The following ALDH18A1 variants were observed in gnomAD, a reference collection of about 807,000 sequenced individuals.
The protein encoded by ALDH18A1 is aldehyde dehydrogenase 18 family member A1.
A neutral mutation model predicts 88.8 loss-of-function variants in ALDH18A1; 44 were observed. That is an observed-to-expected ratio of 0.50 (90% CI 0.39 to 0.64). ALDH18A1 has a LOEUF of 0.64. Among genes scored for constraint, ALDH18A1 ranks in the 30% least tolerant of loss-of-function variants. The pLI is 0.00. For synonymous variants in ALDH18A1, 331 were observed against 372.1 expected (o/e 0.89, Z 1.27); for missense variants, 782 against 1,009.5 (o/e 0.77, Z 3.05).
At chr10:95,610,390 T>G (rs566962570) in intron 16 of ALDH18A1, 98 bp from the exon 17 acceptor site, 2 of 1,161,564 alleles carry the variant, frequency 1.7e-6, no homozygotes, top group South Asian at 1.3e-5. Flanking sequence ...AGGGTCTGGG[T>G]CCCCACTGGG....
chr10:95,644,197 G>C (rs1316977883), intron 2 of ALDH18A1, among the ~76,000 whole-genome samples: 5 of 152,286 alleles, frequency 3.3e-5, no homozygotes, highest in East Asian at 1.9e-4. Context: ...AAAGAACAAA[G>C]TAAGTGTATG....
Position 95,606,570 on chromosome 10 carries a change from G to A in ALDH18A1, c.*192C>T. 5.4e-6 allele frequency: 8 copies of A among 1,488,916 alleles called. No homozygotes were observed. Among genetic ancestry groups the A allele is most frequent in the Non-Finnish European group, 7.1e-6 (8 of 1,128,470 alleles). 92.2% of individuals were successfully genotyped at this position (1,488,916 alleles called of 1,614,324 possible). Reference sequence around the variant, plus strand: ...CTATTTTCTTACTTTAAAAAAAAAGGGTGAGCTGGGAGCCAGACTGTGCAC... The same window carrying A: ...CTATTTTCTTACTTTAAAAAAAAAGAGTGAGCTGGGAGCCAGACTGTGCAC... On this transcript the variant is annotated 3_prime_UTR_variant, in exon 18 of 18. Coordinates refer to ENST00000371224, the MANE Select transcript of ALDH18A1 (RefSeq NM_002860.4).
rs1346763871 is a variant in ALDH18A1, at chr10:95,627,505, C to T, written c.1015G>A (p.Val339Ile). The change falls in exon 9 of 18, where the codon GTC becomes ATC. Residue 339 changes from valine (V) to isoleucine (I), a missense_variant. Physicochemically the swap from Val to Ile is conservative, Grantham distance 29 (BLOSUM62 3). Around this residue, in one of 3 missense-constraint regions of ALDH18A1, gnomAD observed 556 missense variants for 654.5 expected, o/e 0.85. Coordinates refer to ENST00000371224, the MANE Select transcript of ALDH18A1 (RefSeq NM_002860.4). Reference sequence around the variant, plus strand: ...TTCCCCTCCACAATGTCTGTGATGACGTGCCCAGACACCTTTGGGTGGGTT... The same window carrying T: ...TTCCCCTCCACAATGTCTGTGATGATGTGCCCAGACACCTTTGGGTGGGTT... Reference protein sequence around the residue: ...NGTHPKVSGHVITDIVEGKKV... With the variant: ...NGTHPKVSGHIITDIVEGKKV... The T allele has an allele frequency of 9.3e-6, 15 of 1,614,142 alleles. No homozygotes were observed. The East Asian group carries it at 1.1e-4, about 12-fold the overall frequency.
chr10:95,647,944 C>T (rs1019906254), intron 2 of ALDH18A1, among the ~76,000 whole-genome samples: 6 of 152,224 alleles, frequency 3.9e-5, no homozygotes, highest in African/African-American at 1.4e-4. Context: ...TACCACACAC[C>T]TCACCCTACA....
chr10:95,608,344 C>T (rs1432774199), intron 17 of ALDH18A1, among the ~76,000 whole-genome samples: 1 of 152,144 alleles, frequency 6.6e-6, no homozygotes, highest in Non-Finnish European at 1.5e-5. Context: ...ACATCAAAAT[C>T]CCAACATAAT....
Position 95,653,304 on chromosome 10 carries a change from G to A in ALDH18A1, c.74C>T (p.Thr25Ile). The A allele has an allele frequency of 6.2e-7, 1 of 1,612,054 alleles. No individual in the cohort carries two copies. The highest frequency in any genetic ancestry group is 8.5e-7 in the Non-Finnish European group (1 of 1,179,564). Residue 25 changes from threonine (T) to isoleucine (I), a missense_variant, in exon 2 of 18, where the codon ACC becomes ATC. Physicochemically the swap from Thr to Ile is moderately conservative, Grantham distance 89. This residue lies in a region of ALDH18A1 where 94 missense variants were observed against 99.5 expected (regional missense o/e 0.94). Coordinates refer to ENST00000371224, the MANE Select transcript of ALDH18A1 (RefSeq NM_002860.4). Reference sequence around the variant, plus strand: ...ATGGTACATACGAGATCTGAAGACGGTTGTACACTTGACCCAGGGCAGAAG... The same window carrying A: ...ATGGTACATACGAGATCTGAAGACGATTGTACACTTGACCCAGGGCAGAAG... ...QHLLPWVKCTTVFRSHCIQPS... is the reference protein window; with the variant it reads ...QHLLPWVKCTIVFRSHCIQPS...
In ALDH18A1 at chr10:95,611,279, G is replaced by A. The variant is rs2097833817; in HGVS notation, c.2087C>T (p.Thr696Met). The change falls in exon 16 of 18, where the codon ACG (threonine) becomes ATG (methionine). Residue 696 changes from threonine (T) to methionine (M), a missense_variant. Thr to Met is a moderately conservative substitution (Grantham distance 81, BLOSUM62 -1). Coordinates refer to ENST00000371224, the MANE Select transcript of ALDH18A1 (RefSeq NM_002860.4). The part of the protein sequence containing the change: ...DHIHKYGSSH[T>M]DVIVTEDENT... ...ACCGTCCTCTGTGACGATGACATCC[G>A]TGTGGGAGCTGCCATACTTGTGGAT... 3 of 1,614,128 alleles carry A rather than the reference G, an allele frequency of 1.9e-6. No homozygotes were observed. Among genetic ancestry groups the A allele is most frequent in the Non-Finnish European group, 2.5e-6 (3 of 1,180,014 alleles).
chr10:95,625,866 C>T (rs1589516398), intron 10 of ALDH18A1, among the ~76,000 whole-genome samples: 1 of 151,972 alleles, frequency 6.6e-6, no homozygotes, highest in Admixed American at 6.6e-5. Flanking sequence ...TAACATGTTA[C>T]ATAGAGTCTT....
chr10:95,637,265 T>C, intron 4 of ALDH18A1, 22 bp downstream of exon 4: 1 of 1,614,186 alleles, frequency 6.2e-7, no homozygotes, highest in Non-Finnish European at 8.5e-7. Flanking sequence ...TCCATTTCAA[T>C]GTGTGGGGAA....
intron 2 of ALDH18A1, among the ~76,000 whole-genome samples, chr10:95,646,546 G>A (rs1055500788): frequency 3.3e-5 from 5 of 151,992 alleles, no homozygotes; most frequent in East Asian, 1.9e-4. Context: ...GGCTTGTTGG[G>A]TTTCCTATTG....
chr10:95,637,988 CAACAACAACAACAACAA>C (rs2097884253), intron 3 of ALDH18A1, among the ~76,000 whole-genome samples: 1 of 146,786 alleles, frequency 6.8e-6, no homozygotes, highest in African/African-American at 2.7e-5. Context: ...ACAACAACAA[CAACAACAACAACAACAA>C]CAACACCCTA....
intron 2 of ALDH18A1, among the ~76,000 whole-genome samples, chr10:95,645,158 T>C (rs752721634): frequency 2.6e-5 from 4 of 152,100 alleles, no homozygotes; most frequent in Non-Finnish European, 4.4e-5. Context: ...CTTAAGCAAA[T>C]AGACGTTCCT....
chr10:95,622,789 G>A lies in ALDH18A1; in HGVS notation c.1247-1538C>T, dbSNP rs570982033. On this transcript the variant is annotated intron_variant, in intron 11 of 17. Transcript: ENST00000371224. ...CCTGACCTTGTGATCTGCCCACCTC[G>A]GCCTCCCAAAGTGCTGGGATTACAG... is the stretch of plus-strand genomic sequence containing the variant. Among the ~76,000 whole-genome samples the A allele has an allele frequency of 1.3e-3, 191 of 151,256 alleles. 1 individual carries two copies. Among genetic ancestry groups the A allele is most frequent in the African/African-American group, 4.3e-3 (178 of 41,220 alleles).
At chr10:95,619,940 G>C (rs2097849637) in intron 12 of ALDH18A1, among the ~76,000 whole-genome samples, 1 of 152,150 alleles carries the variant, frequency 6.6e-6, no homozygotes, top group South Asian at 2.1e-4. Context: ...AGACAAATGG[G>C]ATCTAATTAA....
intron 7 of ALDH18A1, among the ~76,000 whole-genome samples, chr10:95,632,656 G>A (rs1045739999): frequency 2.0e-5 from 3 of 152,278 alleles, no homozygotes; most frequent in Admixed American, 6.5e-5. Flanking sequence ...GAGCCACCAC[G>A]CCAGGACAGA....
intron 1 of ALDH18A1, among the ~76,000 whole-genome samples, chr10:95,655,594 C>A (rs2097916679): frequency 6.8e-6 from 1 of 146,444 alleles, no homozygotes; most frequent in African/African-American, 2.5e-5. Flanking sequence ...GCCTCCTGAC[C>A]TCTCCCCTGT....
chr10:95,616,949 CAA>C (rs1280250333), intron 12 of ALDH18A1, among the ~76,000 whole-genome samples: 2 of 152,142 alleles, frequency 1.3e-5, no homozygotes, highest in Non-Finnish European at 2.9e-5. Flanking sequence ...GCACCATTAG[CAA>C]AGAGAACTGA....
intron 13 of ALDH18A1, among the ~76,000 whole-genome samples, chr10:95,614,640 T>C (rs1412830341): frequency 6.6e-6 from 1 of 152,212 alleles, no homozygotes; most frequent in East Asian, 1.9e-4. Flanking sequence ...GGAGTCATGG[T>C]TCTCATGACT....
At chr10:95,614,346 C>T (rs977826780) in intron 13 of ALDH18A1, among the ~76,000 whole-genome samples, 185 bp from the exon 14 acceptor site, 3 of 152,226 alleles carry the variant, frequency 2.0e-5, no homozygotes, top group African/African-American at 4.8e-5. Flanking sequence ...CCAGCAAATG[C>T]TTATCAAACA....
Sources: gnomAD v4.1 joint callset for allele counts (sites outside exome capture counted in the v4.1 genomes callset) on GRCh38, gnomAD v4.1.1 for gene constraint, gnomAD v4.1.1 regional missense constraint, MANE v1.5 for transcripts, NCBI Gene and HGNC (gene_info 2026-07-23, HGNC 2026-07-21) for gene names.